Variants in CFAP298 observed in about 807,000 individuals in gnomAD.
The protein encoded by CFAP298 is cilia- and flagella-associated protein 298.
Under a neutral mutation model 41.0 loss-of-function variants are expected in CFAP298, and 38 were observed. The ratio of observed to expected loss-of-function variants is 0.93; its 90% CI spans 0.72 to 1.22. The LOEUF is 1.22. Ranked by LOEUF, CFAP298 falls within the 50% of genes most tolerant of loss-of-function variation. CFAP298 has a pLI of 0.00. For missense variants in CFAP298, 348 were observed against 360.3 expected (o/e 0.97, Z 0.28); for synonymous variants, 137 against 135.3 (o/e 1.01, Z -0.09).
At chr21:32,609,427 T>G (rs2146568517) in intron 2 of CFAP298, among the ~76,000 whole-genome samples, 1 of 152,338 alleles carries the variant, frequency 6.6e-6, no homozygotes, top group East Asian at 1.9e-4. Context: ...CCAAAGGAGC[T>G]ACAGAGTACA....
At chr21:32,609,711 G>A (rs1018124522) in intron 2 of CFAP298, 127 bp downstream of exon 2, 5 of 768,536 alleles carry the variant, frequency 6.5e-6, no homozygotes, top group Non-Finnish European at 1.0e-5. Context: ...GTGGCAGTGA[G>A]CTGAGATTGT....
At chr21:32,607,001 G>C (rs1450940317) in intron 3 of CFAP298, among the ~76,000 whole-genome samples, 1 of 152,054 alleles carries the variant, frequency 6.6e-6, no homozygotes, top group Admixed American at 6.5e-5. Flanking sequence ...CTACTCGATG[G>C]CCACAATATT....
intron 4 of CFAP298, 55 bp from the exon 5 acceptor site, chr21:32,603,347 C>A: frequency 2.5e-6 from 4 of 1,594,662 alleles, no homozygotes; most frequent in Non-Finnish European, 3.4e-6. Context: ...GGGGGCAGAG[C>A]CCAGCTGAGC....
chr21:32,608,782 C>T (rs769006359), intron 2 of CFAP298, among the ~76,000 whole-genome samples: 9 of 151,018 alleles, frequency 6.0e-5, no homozygotes, highest in Admixed American at 1.3e-4. Flanking sequence ...CATCTTCTTA[C>T]GTAAGAAAGC....
chr21:32,601,726 A>G lies in CFAP298; in HGVS notation c.*137T>C. On this transcript the variant is annotated 3_prime_UTR_variant, in exon 7 of 7. Coordinates refer to ENST00000290155, the MANE Select transcript of CFAP298 (RefSeq NM_021254.4). ...ACCTTGAATAACTGCTATTTTAAAA[A>G]TTCACACTAAAAGAAAACTAGAAAT... 1 of 568,688 alleles carries G rather than the reference A, an allele frequency of 1.8e-6. No individual in the cohort carries two copies. Among genetic ancestry groups the G allele is most frequent in the South Asian group, 2.5e-5 (1 of 39,778 alleles). The allele number at this position is 568,688 out of a possible 1,614,324, so 35.2% of individuals were successfully genotyped here.
chr21:32,612,032 C>T, intron 1 of CFAP298, 73 bp downstream of exon 1: 1 of 1,441,330 alleles, frequency 6.9e-7, no homozygotes, highest in Non-Finnish European at 9.1e-7. Flanking sequence ...CCCCTCGGCC[C>T]ACCCTGCCCC....
intron 3 of CFAP298, among the ~76,000 whole-genome samples, chr21:32,605,012 C>G (rs866589270): frequency 3.9e-5 from 6 of 152,358 alleles, no homozygotes; most frequent in Middle Eastern, 3.4e-3. Context: ...AGCCCTGTCT[C>G]TACTAAAAAT....
chr21:32,609,013 A>T (rs2038930879), intron 2 of CFAP298, among the ~76,000 whole-genome samples: 1 of 152,230 alleles, frequency 6.6e-6, no homozygotes, highest in Non-Finnish European at 1.5e-5. Flanking sequence ...AAGGATTATC[A>T]TCAATTCCAC....
chr21:32,602,400 T>A (rs1372315181), intron 5 of CFAP298, 33 bp from the exon 6 acceptor site: 54 of 1,598,340 alleles, frequency 3.4e-5, no homozygotes, highest in Non-Finnish European at 4.4e-5. Flanking sequence ...AATTGTGGAT[T>A]AAGGTGTTCT....
At chr21:32,611,318 C>CATATATATATATATATATATATATAT (rs71193198) in intron 1 of CFAP298, among the ~76,000 whole-genome samples, 156 of 114,722 alleles carry the variant, frequency 1.4e-3, no homozygotes, top group Middle Eastern at 4.7e-3. Context: ...ACACACATAC[C>CATATATATATATATATATATATATAT]ATATATATAT....
At chr21:32,606,179 A>G (rs1432169414) in intron 3 of CFAP298, among the ~76,000 whole-genome samples, 1 of 152,220 alleles carries the variant, frequency 6.6e-6, no homozygotes, top group African/African-American at 2.4e-5. Context: ...GAGGAAGCAA[A>G]GAGCTCATTT....
intron 4 of CFAP298, among the ~76,000 whole-genome samples, chr21:32,603,669 A>C (rs2038803978): frequency 6.6e-6 from 1 of 152,220 alleles, no homozygotes; most frequent in East Asian, 1.9e-4. Flanking sequence ...TTTATTTAAC[A>C]TGGCTTAGAC....
chr21:32,606,953 T>A (rs963574460), intron 3 of CFAP298, among the ~76,000 whole-genome samples: 1 of 152,192 alleles, frequency 6.6e-6, no homozygotes, highest in African/African-American at 2.4e-5. Flanking sequence ...AAACCATTTA[T>A]ATCAAATACA....
Position 32,603,205 on chromosome 21 carries a change from C to G in CFAP298, c.622G>C (p.Val208Leu). ...ATTTTGGTTTTTTCATTCTTCCCCA[C>G]GTAGTCTGAAAGCTTCTTCGTTCTT... ...LRRTKKLSDY[V>L]GKNEKTKIIA... The change falls in exon 5 of 7, where the codon GTG becomes CTG. Residue 208 changes from valine to leucine, a missense_variant. By Grantham distance (32) the Val-to-Leu change is conservative (BLOSUM62 1). Coordinates refer to ENST00000290155, the MANE Select transcript of CFAP298 (RefSeq NM_021254.4). 6.2e-7 allele frequency: 1 copy of G among 1,614,228 alleles called. No individual in the cohort carries two copies. Among genetic ancestry groups the G allele is most frequent in the Non-Finnish European group, 8.5e-7 (1 of 1,180,032 alleles).
rs1158009254 is a variant in CFAP298, at chr21:32,601,288, C to CTTTTTTTT, written c.*567_*574dup. Among the ~76,000 whole-genome samples the CTTTTTTTT allele has an allele frequency of 2.2e-5, 2 of 92,264 alleles. No homozygotes were observed. Among genetic ancestry groups the CTTTTTTTT allele is most frequent in the African/African-American group, 4.5e-5 (1 of 22,004 alleles). The allele number at this position is 92,264 out of a possible 152,430, so 60.5% of individuals were successfully genotyped here. On this transcript the variant is annotated 3_prime_UTR_variant, in exon 7 of 7. Coordinates refer to ENST00000290155, the MANE Select transcript of CFAP298 (RefSeq NM_021254.4). ...CAATCAGGAAGAAAAAAAAGTGTAGCTTTTTTTTTTTTTTTTTTTTTTTTT... is the reference window on the plus strand; with the variant it reads ...CAATCAGGAAGAAAAAAAAGTGTAGCTTTTTTTTTTTTTTTTTTTTTTTTTTTTTTTTT...
chr21:32,608,647 ACT>A (rs1195414565), intron 2 of CFAP298, among the ~76,000 whole-genome samples: 3 of 131,870 alleles, frequency 2.3e-5, no homozygotes, highest in African/African-American at 9.1e-5. Context: ...ACAGAGTAAG[ACT>A]CTGTCTCAAA....
Position 32,601,940 on chromosome 21 carries a change from TTAAA to T in CFAP298, c.792_795del (p.Tyr264Ter), listed in dbSNP as rs398122401. 3.1e-6 allele frequency: 5 copies of T among 1,610,616 alleles called. No individual in the cohort carries two copies. The highest frequency in any genetic ancestry group is 4.2e-6 in the Non-Finnish European group (5 of 1,176,874). On this transcript the variant is annotated frameshift_variant, in exon 7 of 7. Transcript: ENST00000290155. LOFTEE classifies it high-confidence loss of function. ...GCAGTGTTATCCGCCCATGGTGAGTTTAAATAGGCATCATCATCATTTTCTTCCA... is the reference window on the plus strand; with the variant it reads ...GCAGTGTTATCCGCCCATGGTGAGTTTAGGCATCATCATCATTTTCTTCCA...
intron 5 of CFAP298, chr21:32,602,725 G>T: frequency 8.0e-7 from 1 of 1,253,076 alleles, no homozygotes; most frequent in Non-Finnish European, 1.0e-6. Context: ...AGTGACGTAG[G>T]AGCACCCACA....
In CFAP298 at chr21:32,609,857, A is replaced by G; in HGVS notation, c.288T>C (p.Ile96=). 1 of 1,613,922 alleles carries G rather than the reference A, an allele frequency of 6.2e-7. No individual in the cohort carries two copies. Among genetic ancestry groups the G allele is most frequent in the Non-Finnish European group, 8.5e-7 (1 of 1,179,936 alleles). The change falls in exon 2 of 7, where the codon ATT becomes ATC. Residue 96 remains isoleucine (I), a synonymous_variant. Coordinates refer to ENST00000290155, the MANE Select transcript of CFAP298 (RefSeq NM_021254.4). ...ACTTACCTTGCCCATTCCTTCGTCCAATATCATCCTTTTTAAACACTGCAC... is the reference window on the plus strand; with the variant it reads ...ACTTACCTTGCCCATTCCTTCGTCCGATATCATCCTTTTTAAACACTGCAC... ...SGGAVFKKDD[I]GRRNGQAPNE...
Sources: gnomAD v4.1 joint callset for allele counts (sites outside exome capture counted in the v4.1 genomes callset) on GRCh38, gnomAD v4.1.1 for gene constraint, MANE v1.5 for transcripts, NCBI Gene and HGNC (gene_info 2026-07-23, HGNC 2026-07-21) for gene names.